LRRC7: variants seen among roughly 807,000 people sequenced by gnomAD.
The protein encoded by LRRC7 is leucine-rich repeat-containing protein 7.
In LRRC7, 23 loss-of-function variants were observed where a neutral mutation model predicts 175.7. That is an observed-to-expected ratio of 0.13 (90% CI 0.09 to 0.19). The LOEUF (loss-of-function observed/expected upper bound fraction) is 0.19, where lower values mean the gene tolerates loss of function less well. Among genes scored for constraint, LRRC7 ranks in the 10% least tolerant of loss-of-function variants. The probability of loss-of-function intolerance (pLI) is 1.00; values close to 1 mark genes in which losing one functional copy is unlikely to be tolerated. For missense variants in LRRC7, 1,354 were observed against 1,904.7 expected (o/e 0.71, Z 5.38); for synonymous variants, 685 against 680.9 (o/e 1.01, Z -0.09).
intron 2 of LRRC7, among the ~76,000 whole-genome samples, chr1:69,686,028 A>G (rs1036341047): frequency 1.3e-5 from 2 of 152,170 alleles, no homozygotes; most frequent in Admixed American, 1.3e-4. Flanking sequence ...AACACATTAC[A>G]TATAAAGAAG....
intron 1 of LRRC7, among the ~76,000 whole-genome samples, chr1:69,673,280 T>A (rs1366578806): frequency 6.6e-6 from 1 of 152,226 alleles, no homozygotes; most frequent in African/African-American, 2.4e-5. Context: ...GGAGACACCA[T>A]CAAGAATGTC....
chr1:70,039,486 A>G lies in LRRC7; in HGVS notation c.3662A>G (p.Lys1221Arg), dbSNP rs781550038. The G allele has an allele frequency of 1.2e-6, 2 of 1,614,144 alleles. No homozygotes were observed. The highest frequency in any genetic ancestry group is 1.7e-6 in the Non-Finnish European group (2 of 1,180,004). The change falls in exon 21 of 27, where the codon AAA becomes AGA. Residue 1221 changes from lysine to arginine, a missense_variant. Around this residue, in one of 4 missense-constraint regions of LRRC7, gnomAD observed 1,032 missense variants for 1,227.2 expected, o/e 0.84. Transcript: ENST00000651989. ...EDEHPSYQEV[K>R]AQAGSFPVKN... ...GAACACCCTTCATATCAAGAAGTGAAAGCTCAGGCGGGAAGTTTTCCGGTT... is the reference window on the plus strand; with the variant it reads ...GAACACCCTTCATATCAAGAAGTGAGAGCTCAGGCGGGAAGTTTTCCGGTT...
chr1:69,576,067 ACT>A (rs1645933828), intron 1 of LRRC7, among the ~76,000 whole-genome samples: 2 of 45,260 alleles, frequency 4.4e-5, no homozygotes, highest in Admixed American at 2.2e-4. Flanking sequence ...TGTTGTATCT[ACT>A]TTTTTTTTTT....
chr1:69,739,280 T>A (rs1668452153), intron 2 of LRRC7, among the ~76,000 whole-genome samples: 1 of 152,074 alleles, frequency 6.6e-6, no homozygotes, highest in South Asian at 2.1e-4. Flanking sequence ...CAGTTTTTCC[T>A]GGCCTTGCTG....
intron 7 of LRRC7, among the ~76,000 whole-genome samples, chr1:69,923,789 A>C (rs1011955686): frequency 6.6e-6 from 1 of 152,004 alleles, no homozygotes; most frequent in Admixed American, 6.6e-5. Context: ...TTTGCTGTGC[A>C]GAAGCTCTTT....
In LRRC7 at chr1:70,140,328, C is replaced by T. The variant is rs1179438789; in HGVS notation, c.*18441C>T. The T allele has an allele frequency of 6.6e-6, 1 of 152,122 alleles. No individual in the cohort carries two copies. The highest frequency in any genetic ancestry group is 2.4e-5 in the African/African-American group (1 of 41,426). The allele number at this position is 152,122 out of a possible 1,614,324, so 9.4% of individuals were successfully genotyped here. On this transcript the variant is annotated 3_prime_UTR_variant, in exon 27 of 27. Coordinates refer to ENST00000651989, the MANE Select transcript of LRRC7 (RefSeq NM_001370785.2). ...ACTACAGCACGCTTACTACTTTCTCCTTCCATTTTCCACACCTCAGCCCCC... is the reference window on the plus strand; with the variant it reads ...ACTACAGCACGCTTACTACTTTCTCTTTCCATTTTCCACACCTCAGCCCCC...
intron 4 of LRRC7, among the ~76,000 whole-genome samples, chr1:69,800,298 T>C (rs1676315800): frequency 6.6e-6 from 1 of 152,016 alleles, no homozygotes; most frequent in Non-Finnish European, 1.5e-5. Context: ...CATATTTTCA[T>C]GTGGATTGCA....
At chr1:69,568,744 G>T (rs1399753159) in intron 1 of LRRC7, 103 bp downstream of exon 1, 3 of 762,748 alleles carry the variant, frequency 3.9e-6, no homozygotes, top group Admixed American at 5.9e-5. Flanking sequence ...GGCCGGGGGC[G>T]GGGGTGGCAG....
intron 17 of LRRC7, 78 bp from the exon 18 acceptor site, chr1:70,028,093 G>C: frequency 8.2e-7 from 1 of 1,224,280 alleles, no homozygotes; most frequent in Non-Finnish European, 1.2e-6. Flanking sequence ...TTATACTACT[G>C]AATATAAAAT....
At chr1:69,959,766 G>C (rs1650858482) in intron 8 of LRRC7, among the ~76,000 whole-genome samples, 1 of 151,954 alleles carries the variant, frequency 6.6e-6, no homozygotes, top group African/African-American at 2.4e-5. Flanking sequence ...ACCCAATCAG[G>C]GATCAGGTGA....
At chr1:69,848,873 T>A (rs532626386) in intron 7 of LRRC7, among the ~76,000 whole-genome samples, 78 of 152,218 alleles carry the variant, frequency 5.1e-4, no homozygotes, top group Non-Finnish European at 1.0e-3. Flanking sequence ...TCTTTAGATG[T>A]ATATTTTATA....
intron 1 of LRRC7, among the ~76,000 whole-genome samples, chr1:69,655,435 A>G (rs896362744): frequency 1.3e-5 from 2 of 151,936 alleles, no homozygotes; most frequent in African/African-American, 4.8e-5. Flanking sequence ...CAATACCGTC[A>G]TATCCATATT....
At chr1:70,035,158 A>T (rs1396615095) in intron 18 of LRRC7, among the ~76,000 whole-genome samples, 1 of 152,202 alleles carries the variant, frequency 6.6e-6, no homozygotes, top group Admixed American at 6.5e-5. Flanking sequence ...AAAAATTCTC[A>T]TTTGAATTAA....
intron 3 of LRRC7, among the ~76,000 whole-genome samples, chr1:69,771,992 G>A (rs938037106): frequency 2.0e-5 from 3 of 151,952 alleles, no homozygotes; most frequent in African/African-American, 4.8e-5. Flanking sequence ...CATGATGGCG[G>A]TGCCTGCAAT....
intron 1 of LRRC7, among the ~76,000 whole-genome samples, chr1:69,596,870 A>C (rs899246450): frequency 1.3e-4 from 20 of 152,142 alleles, no homozygotes; most frequent in Non-Finnish European, 2.9e-4. Context: ...CTCCTCTTTC[A>C]CTGGTGTCAG....
At chr1:69,970,839 C>G (rs570559358) in intron 8 of LRRC7, among the ~76,000 whole-genome samples, 2 of 152,144 alleles carry the variant, frequency 1.3e-5, no homozygotes, top group South Asian at 4.2e-4. Flanking sequence ...AAGAAAACTA[C>G]AAATCAATAT....
At chr1:69,644,022 G>A (rs1056151378) in intron 1 of LRRC7, among the ~76,000 whole-genome samples, 4 of 152,088 alleles carry the variant, frequency 2.6e-5, no homozygotes, top group African/African-American at 9.7e-5. Flanking sequence ...TGCAGTTAAT[G>A]CAATGCTTGG....
intron 1 of LRRC7, among the ~76,000 whole-genome samples, chr1:69,588,929 G>A (rs1447007958): frequency 6.6e-6 from 1 of 151,936 alleles, no homozygotes; most frequent in African/African-American, 2.4e-5. Context: ...GTCTGAGACA[G>A]TATGTTCTTC....
intron 24 of LRRC7, among the ~76,000 whole-genome samples, chr1:70,085,164 A>G (rs1663513265): frequency 6.6e-6 from 1 of 152,110 alleles, no homozygotes. Flanking sequence ...CAACATATCA[A>G]TCTCTTATAT....
Sources: gnomAD v4.1 joint callset for allele counts (sites outside exome capture counted in the v4.1 genomes callset) on GRCh38, gnomAD v4.1.1 for gene constraint, gnomAD v4.1.1 regional missense constraint, MANE v1.5 for transcripts, NCBI Gene and HGNC (gene_info 2026-07-23, HGNC 2026-07-21) for gene names.